FAF1: variants seen among roughly 807,000 people sequenced by gnomAD.
The protein encoded by FAF1 is FAS-associated factor 1.
FAF1 carries 25 observed loss-of-function variants against 92.5 expected under a neutral mutation model. That is an observed-to-expected ratio of 0.27 (90% CI 0.20 to 0.38). The LOEUF is 0.38. Among genes scored for constraint, FAF1 ranks in the 10% least tolerant of loss-of-function variants. FAF1 has a pLI of 1.00. For synonymous variants in FAF1, 234 were observed against 273.2 expected (o/e 0.86, Z 1.42); for missense variants, 636 against 793.3 (o/e 0.80, Z 2.38).
chr1:50,560,999 T>C (rs1649874168), intron 13 of FAF1, among the ~76,000 whole-genome samples: 1 of 152,244 alleles, frequency 6.6e-6, no homozygotes, highest in Non-Finnish European at 1.5e-5. Context: ...ATTCTGATGG[T>C]GTTCTAATAG....
At chr1:50,749,783 T>C (rs527639756) in intron 4 of FAF1, among the ~76,000 whole-genome samples, 1 of 150,744 alleles carries the variant, frequency 6.6e-6, no homozygotes, top group South Asian at 2.1e-4. Flanking sequence ...AGTGAGAACC[T>C]GTCTCAGAGA....
chr1:50,597,060 G>C (rs1246852402), intron 8 of FAF1, among the ~76,000 whole-genome samples: 1 of 152,168 alleles, frequency 6.6e-6, no homozygotes, highest in Non-Finnish European at 1.5e-5. Context: ...GATAGGGATA[G>C]TATTTGATTA....
intron 6 of FAF1, chr1:50,714,995 A>T (rs529928309): frequency 1.1e-3 from 472 of 420,398 alleles, no homozygotes; most frequent in Non-Finnish European, 9.6e-4. Flanking sequence ...GATATAAAGT[A>T]AAAAAAAACC....
chr1:50,798,881 C>T (rs1188744909), intron 3 of FAF1, among the ~76,000 whole-genome samples: 1 of 152,140 alleles, frequency 6.6e-6, no homozygotes, highest in Non-Finnish European at 1.5e-5. Context: ...AAATCTTTTT[C>T]TGTTCGTGTT....
rs138495649 is a variant in FAF1 at position 50,891,176 on chromosome 1, T to G, written c.46-33179A>C. Among the ~76,000 whole-genome samples, 121 of 152,364 alleles carry G rather than the reference T, an allele frequency of 7.9e-4. 3 individuals carry two copies. In the East Asian group the frequency reaches 0.022, roughly 28 times the overall value. On this transcript the variant is annotated intron_variant, in intron 1 of 18. Coordinates refer to ENST00000396153, the MANE Select transcript of FAF1 (RefSeq NM_007051.3). ...TCGGCTATTGAAGCTTGTACATGTG[T>G]CATGTAGTTCTTGTGCCACGGTTTT...
At chr1:50,936,299 T>C (rs958068961) in intron 1 of FAF1, among the ~76,000 whole-genome samples, 3 of 152,150 alleles carry the variant, frequency 2.0e-5, no homozygotes, top group South Asian at 2.1e-4. Context: ...GATGGATATA[T>C]AGGAATGAGA....
intron 8 of FAF1, among the ~76,000 whole-genome samples, chr1:50,611,768 T>C (rs530154968): frequency 6.6e-6 from 1 of 152,268 alleles, no homozygotes; most frequent in African/African-American, 2.4e-5. Context: ...GATTCACAAA[T>C]ACCCACCGTA....
At chr1:50,703,698 A>C (rs1195451071) in intron 7 of FAF1, among the ~76,000 whole-genome samples, 1 of 152,218 alleles carries the variant, frequency 6.6e-6, no homozygotes, top group Non-Finnish European at 1.5e-5. Context: ...TGACATTTAG[A>C]AAATGGTATA....
chr1:50,801,521 T>C, intron 3 of FAF1, 110 bp downstream of exon 3: 1 of 626,172 alleles, frequency 1.6e-6, no homozygotes, highest in Non-Finnish European at 2.9e-6. Context: ...TTAATGAACT[T>C]ATATACCCCA....
intron 4 of FAF1, among the ~76,000 whole-genome samples, chr1:50,770,328 AGAT>A (rs969437908): frequency 5.3e-5 from 8 of 152,330 alleles, no homozygotes; most frequent in African/African-American, 1.9e-4. Flanking sequence ...CTCTGTTTGC[AGAT>A]GATATGATAG....
At chr1:50,779,129 T>TGA (rs1437191061) in intron 4 of FAF1, among the ~76,000 whole-genome samples, 4 of 152,236 alleles carry the variant, frequency 2.6e-5, no homozygotes, top group Non-Finnish European at 5.9e-5. Context: ...CCAAGTTTTA[T>TGA]GAGACTGCAG....
At chr1:50,551,759 T>TAGAC (rs935828535) in intron 13 of FAF1, among the ~76,000 whole-genome samples, 1 of 152,168 alleles carries the variant, frequency 6.6e-6, no homozygotes, top group African/African-American at 2.4e-5. Context: ...CAGGCTAAGG[T>TAGAC]AGACAATTCA....
chr1:50,621,117 A>G (rs1557439740), intron 8 of FAF1, among the ~76,000 whole-genome samples: 1 of 152,176 alleles, frequency 6.6e-6, no homozygotes, highest in Non-Finnish European at 1.5e-5. Context: ...TCTTGGCTCC[A>G]TACTCCTAAG....
intron 15 of FAF1, among the ~76,000 whole-genome samples, chr1:50,510,891 A>G (rs1296285478): frequency 6.6e-6 from 1 of 152,144 alleles, no homozygotes; most frequent in African/African-American, 2.4e-5. Flanking sequence ...TTATTAGTCT[A>G]TTTTTTAACT....
intron 15 of FAF1, among the ~76,000 whole-genome samples, chr1:50,526,836 AAC>A (rs1390337545): frequency 1.3e-5 from 2 of 151,770 alleles, no homozygotes; most frequent in African/African-American, 2.4e-5. Flanking sequence ...CATCCTTGCT[AAC>A]ATTTGTTGTT....
chr1:50,729,251 C>T (rs2124470180), intron 6 of FAF1, among the ~76,000 whole-genome samples: 1 of 150,206 alleles, frequency 6.7e-6, no homozygotes, highest in South Asian at 2.1e-4. Flanking sequence ...GATGGGGTTT[C>T]TCCATTTTGA....
At chr1:50,590,371 A>G (rs550238784) in intron 9 of FAF1, among the ~76,000 whole-genome samples, 1 of 152,118 alleles carries the variant, frequency 6.6e-6, no homozygotes, top group Admixed American at 6.5e-5. Context: ...TTCTTTTATT[A>G]GTTAATTCCT....
intron 4 of FAF1, among the ~76,000 whole-genome samples, chr1:50,746,975 T>G (rs1234184760): frequency 6.6e-6 from 1 of 152,190 alleles, no homozygotes; most frequent in East Asian, 1.9e-4. Context: ...GTGTTAAGCC[T>G]GCAGGTGCAC....
At position 50,796,543 on chromosome 1, in the gene FAF1, A is replaced by G. The variant is rs537156826; in HGVS notation, c.161+5088T>C. Reference sequence around the variant, plus strand: ...TCCTCTATCACTTTCCTTTGTGCCCATTGGTGGTCAGCAGGGGGCTTTCCC... The same window carrying G: ...TCCTCTATCACTTTCCTTTGTGCCCGTTGGTGGTCAGCAGGGGGCTTTCCC... On this transcript the variant is annotated intron_variant, in intron 3 of 18. Coordinates refer to ENST00000396153, the MANE Select transcript of FAF1 (RefSeq NM_007051.3). 2.0e-5 allele frequency among the ~76,000 whole-genome samples: 3 copies of G among 152,104 alleles called. No homozygotes were observed. The South Asian group carries it at 6.2e-4, about 32-fold the overall frequency.
Sources: allele counts gnomAD v4.1 joint callset (sites outside exome capture counted in the v4.1 genomes callset), GRCh38; gene constraint gnomAD v4.1.1; transcripts MANE v1.5; gene names NCBI Gene and HGNC (gene_info 2026-07-23, HGNC 2026-07-21).